WDR6: variants seen among roughly 807,000 people sequenced by gnomAD.
The protein encoded by WDR6 is tRNA (34-2'-O)-methyltransferase regulator WDR6.
WDR6 carries 58 observed loss-of-function variants against 85.6 expected under a neutral mutation model. That is an observed-to-expected ratio of 0.68 (90% CI 0.55 to 0.84). The LOEUF (loss-of-function observed/expected upper bound fraction) is 0.84, where lower values mean the gene tolerates loss of function less well. WDR6 is among the 40% of genes least tolerant of loss of function. The probability of loss-of-function intolerance (pLI) is 0.00; values close to 1 mark genes in which losing one functional copy is unlikely to be tolerated. For synonymous variants in WDR6, 569 were observed against 582.2 expected (o/e 0.98, Z 0.33); for missense variants, 1,310 against 1,476.4 (o/e 0.89, Z 1.85).
chr3:49,007,529 C>A lies in WDR6; in HGVS notation c.98C>A (p.Ala33Glu). Residue 33 changes from alanine (A) to glutamate (E), a missense_variant and splice_region_variant, in exon 1 of 6, where the codon GCG becomes GAG. Ala to Glu is a moderately radical substitution (Grantham distance 107, BLOSUM62 -1). Transcript: ENST00000608424. This position sits in a 1 kb window ranked among gnomAD's most constrained non-coding sequence, Gnocchi z 5.1. ...GLECVGDRLL[A>E]GEGPDVLVYS... ...GAGTGCGTGGGGGACCGGCTGTTGG[C>A]GGGTGAGGCTTGGCTTGAGGCACGC... The A allele has an allele frequency of 6.3e-7, 1 of 1,592,798 alleles. No homozygotes were observed. Among genetic ancestry groups the A allele is most frequent in the Admixed American group, 1.7e-5 (1 of 59,174 alleles).
At position 49,007,617 on chromosome 3, in the gene WDR6, G is replaced by A; in HGVS notation, c.100+86G>A. ...GCGGTGCCACAGGGACAAAAGGGGT[G>A]CCCTGAGGAGAAGGACGGGCAGCAG... On this transcript the variant is annotated intron_variant, in intron 1 of 5. Transcript: ENST00000608424. The surrounding 1 kb of genome is among the most constrained non-coding windows in gnomAD (Gnocchi z 5.1). 1 of 1,446,286 alleles carries A rather than the reference G, an allele frequency of 6.9e-7. No homozygotes were observed. Among genetic ancestry groups the A allele is most frequent in the Non-Finnish European group, 9.1e-7 (1 of 1,093,286 alleles). 89.6% of individuals were successfully genotyped at this position (1,446,286 alleles called of 1,614,324 possible).
At chr3:49,011,101 CT>C (rs142346765) in intron 1 of WDR6, 42,589 of 327,948 alleles carry the variant, frequency 0.13, 49 homozygotes, top group South Asian at 0.18. Context: ...TTTCTTTTTT[CT>C]TTTTTTTTTT....
chr3:49,012,942 G>A lies in WDR6; in HGVS notation c.1408G>A (p.Ala470Thr), dbSNP rs752222354. 10 of 1,613,718 alleles carry A rather than the reference G, an allele frequency of 6.2e-6. No individual in the cohort carries two copies. The highest frequency in any genetic ancestry group is 2.2e-5 in the East Asian group (1 of 44,872). ...GVVACLEISA[A>T]PSGKAIFVKE... Reference sequence around the variant, plus strand: ...AGTAGCTTGCCTAGAGATCTCAGCCGCACCCTCTGGCAAGGCCATCTTTGT... The same window carrying A: ...AGTAGCTTGCCTAGAGATCTCAGCCACACCCTCTGGCAAGGCCATCTTTGT... Residue 470 changes from alanine to threonine, a missense_variant, in exon 2 of 6, where the codon GCA becomes ACA. By Grantham distance (58) the Ala-to-Thr change is moderately conservative (BLOSUM62 0). Coordinates refer to ENST00000608424, the MANE Select transcript of WDR6 (RefSeq NM_018031.6). This position sits in a 1 kb window ranked among gnomAD's most constrained non-coding sequence, Gnocchi z 4.4.
chr3:49,009,134 A>C (rs1191621408), intron 1 of WDR6: 1 of 152,040 alleles, frequency 6.6e-6, no homozygotes, highest in Non-Finnish European at 1.5e-5. Context: ...CGCCTGCCTC[A>C]GCCCCCCAAA....
chr3:49,015,765 C>A lies in WDR6; in HGVS notation c.*477C>A. 1.9e-6 allele frequency: 3 copies of A among 1,614,114 alleles called. No individual in the cohort carries two copies. The highest frequency in any genetic ancestry group is 1.7e-6 in the Non-Finnish European group (2 of 1,180,014). On this transcript the variant is annotated 3_prime_UTR_variant, in exon 6 of 6. Coordinates refer to ENST00000608424, the MANE Select transcript of WDR6 (RefSeq NM_018031.6). ...CTGCTTCCTTTGCCTTTACCCTATACCTCTCTGCACGTCCCACCCCATTTT... is the reference window on the plus strand; with the variant it reads ...CTGCTTCCTTTGCCTTTACCCTATAACTCTCTGCACGTCCCACCCCATTTT...
Position 49,015,036 on chromosome 3 carries a change from C to T in WDR6, c.3114C>T (p.Tyr1038=). The T allele has an allele frequency of 6.2e-7, 1 of 1,614,180 alleles. No homozygotes were observed. Among genetic ancestry groups the T allele is most frequent in the Non-Finnish European group, 8.5e-7 (1 of 1,180,046 alleles). Residue 1038 remains tyrosine (Y), a synonymous_variant, in exon 6 of 6, where the codon TAC becomes TAT. Coordinates refer to ENST00000608424, the MANE Select transcript of WDR6 (RefSeq NM_018031.6). ...LVPQLRVLEE[Y]SVPCAHAAHV... The stretch of plus-strand genomic sequence containing the variant: ...CCCAGCTGCGTGTGCTAGAGGAATA[C>T]TCTGTCCCCTGTGCACATGCTGCCC...
intron 1 of WDR6, among the ~76,000 whole-genome samples, chr3:49,010,365 C>T (rs1378494584): frequency 1.3e-5 from 2 of 150,266 alleles, no homozygotes; most frequent in African/African-American, 2.5e-5. Context: ...AAGATCGCGC[C>T]ACAGCACTCC....
intron 1 of WDR6, among the ~76,000 whole-genome samples, chr3:49,009,669 C>T (rs961408078): frequency 7.9e-5 from 12 of 151,968 alleles, no homozygotes; most frequent in African/African-American, 2.9e-4. Context: ...CTGGATTAGA[C>T]TTTCTCATTT....
chr3:49,015,355 G>GCTGT lies in WDR6; in HGVS notation c.*72_*75dup. The GCTGT allele has an allele frequency of 6.5e-7, 1 of 1,543,418 alleles. No homozygotes were observed. Among genetic ancestry groups the GCTGT allele is most frequent in the Non-Finnish European group, 8.8e-7 (1 of 1,138,484 alleles). ...CACAGACAGCATGGAGCAGGGATGG[G>GCTGT]CTGTCTGTGCCCATGCTCAGCATGC... On this transcript the variant is annotated 3_prime_UTR_variant, in exon 6 of 6. Coordinates refer to ENST00000608424, the MANE Select transcript of WDR6 (RefSeq NM_018031.6).
In WDR6 at chr3:49,015,902, T is replaced by C. The variant is rs758346722; in HGVS notation, c.*614T>C. On this transcript the variant is annotated 3_prime_UTR_variant, in exon 6 of 6. Transcript: ENST00000608424. ...AGACAGAGACTGAGTCACTGGCCCA[T>C]CTCTTTGCTCTTGTGCCCCAGGCCA... 16 of 1,614,068 alleles carry C rather than the reference T, an allele frequency of 9.9e-6. No individual in the cohort carries two copies. Among genetic ancestry groups the C allele is most frequent in the Non-Finnish European group, 1.4e-5 (16 of 1,180,048 alleles).
At position 49,014,374 on chromosome 3, in the gene WDR6, G is replaced by A. The variant is rs1472552276; in HGVS notation, c.2667-9G>A. 1.1e-5 allele frequency: 18 copies of A among 1,613,840 alleles called. No individual in the cohort carries two copies. Among genetic ancestry groups the A allele is most frequent in the Admixed American group, 3.3e-5 (2 of 59,998 alleles). On this transcript the variant is annotated splice_polypyrimidine_tract_variant and intron_variant, in intron 3 of 5. Coordinates refer to ENST00000608424, the MANE Select transcript of WDR6 (RefSeq NM_018031.6). This position sits in a 1 kb window ranked among gnomAD's most constrained non-coding sequence, Gnocchi z 4.9. ...TGCGTTCTGAGCTGGGCCACCCCCCGCCCCCCAGGCTCTTTCTTTTGCAGG... is the reference window on the plus strand; with the variant it reads ...TGCGTTCTGAGCTGGGCCACCCCCCACCCCCCAGGCTCTTTCTTTTGCAGG...
rs1421370686 is a variant in WDR6, at chr3:49,014,189, A to G, written c.2583-21A>G. ...CCCAGGCTTGCAGGCTCCACCTGACAGCTGCATGTTGTCTCTGCAGGTACA... is the reference window on the plus strand; with the variant it reads ...CCCAGGCTTGCAGGCTCCACCTGACGGCTGCATGTTGTCTCTGCAGGTACA... On this transcript the variant is annotated intron_variant, in intron 2 of 5. Transcript: ENST00000608424. The surrounding 1 kb of genome is among the most constrained non-coding windows in gnomAD (Gnocchi z 4.9). 1.2e-6 allele frequency: 2 copies of G among 1,614,046 alleles called. No homozygotes were observed. The highest frequency in any genetic ancestry group is 1.7e-6 in the Non-Finnish European group (2 of 1,180,026).
Position 49,012,080 on chromosome 3 carries a change from C to T in WDR6, c.546C>T (p.Asn182=). ...ELTIVAGAVS[N]QLLVWYPATA... is the part of the protein sequence containing the mutation. ...CCATAGTGGCAGGTGCTGTTTCCAA[C>T]CAGCTCTTGGTCTGGTACCCAGCAA... Residue 182 remains asparagine, a synonymous_variant, in exon 2 of 6, where the codon AAC becomes AAT. Coordinates refer to ENST00000608424, the MANE Select transcript of WDR6 (RefSeq NM_018031.6). This position sits in a 1 kb window ranked among gnomAD's most constrained non-coding sequence, Gnocchi z 4.4. 6.2e-7 allele frequency: 1 copy of T among 1,613,754 alleles called. No homozygotes were observed. Among genetic ancestry groups the T allele is most frequent in the Non-Finnish European group, 8.5e-7 (1 of 1,180,018 alleles).
chr3:49,012,656 T>A lies in WDR6; in HGVS notation c.1122T>A (p.Tyr374Ter). The change falls in exon 2 of 6, where the codon TAT becomes TAA. Residue 374 changes from tyrosine to a stop codon, truncating the protein, a stop_gained. Coordinates refer to ENST00000608424, the MANE Select transcript of WDR6 (RefSeq NM_018031.6). LOFTEE classifies it high-confidence loss of function. This position sits in a 1 kb window ranked among gnomAD's most constrained non-coding sequence, Gnocchi z 4.4. The stretch of plus-strand genomic sequence containing the variant: ...CTGATACAGGGGCCCTGTATCTCTA[T>A]GACGTCGAGGTCAAGTGCTGGGAGC... ...AVTDTGALYL[Y>*]DVEVKCWEQL... The A allele has an allele frequency of 2.5e-6, 4 of 1,614,030 alleles. No individual in the cohort carries two copies. Among genetic ancestry groups the A allele is most frequent in the Non-Finnish European group, 3.4e-6 (4 of 1,179,984 alleles).
chr3:49,014,921 G>C lies in WDR6; in HGVS notation c.2999G>C (p.Ser1000Thr). The C allele has an allele frequency of 1.2e-6, 2 of 1,614,178 alleles. No homozygotes were observed. The highest frequency in any genetic ancestry group is 1.1e-5 in the South Asian group (1 of 91,084). The change falls in exon 6 of 6, where the codon AGT becomes ACT. Residue 1000 changes from serine to threonine, a missense_variant. Transcript: ENST00000608424. This position sits in a 1 kb window ranked among gnomAD's most constrained non-coding sequence, Gnocchi z 4.9. ...PTREGHHLVA[S>T]GSEDGSLHVF... is the part of the protein sequence containing the mutation. ...CGTGAGGGCCACCATCTCGTGGCCA[G>C]TGGCAGTGAAGATGGATCCCTCCAT...
chr3:49,012,308 C>T lies in WDR6; in HGVS notation c.774C>T (p.Ser258=), dbSNP rs748918205. ...VQNIGHCFGH[S]ARVWQVKLLE... is the part of the protein sequence containing the mutation. ...ATATTGGGCACTGCTTTGGGCACAGCGCCCGTGTGTGGCAGGTCAAGCTTC... is the reference window on the plus strand; with the variant it reads ...ATATTGGGCACTGCTTTGGGCACAGTGCCCGTGTGTGGCAGGTCAAGCTTC... The change falls in exon 2 of 6, where the codon AGC becomes AGT. Residue 258 remains serine (S), a synonymous_variant. Coordinates refer to ENST00000608424, the MANE Select transcript of WDR6 (RefSeq NM_018031.6). This position sits in a 1 kb window ranked among gnomAD's most constrained non-coding sequence, Gnocchi z 4.4. The T allele has an allele frequency of 2.2e-5, 35 of 1,614,108 alleles. No homozygotes were observed. Among genetic ancestry groups the T allele is most frequent in the African/African-American group, 2.7e-5 (2 of 74,940 alleles).
rs2106702950 is a variant in WDR6 at position 49,014,200 on chromosome 3, GTC to G, written c.2583-6_2583-5del. Reference sequence around the variant, plus strand: ...AGGCTCCACCTGACAGCTGCATGTTGTCTCTGCAGGTACATGTCCCTTGCTGT... The same window carrying G: ...AGGCTCCACCTGACAGCTGCATGTTGTCTGCAGGTACATGTCCCTTGCTGT... On this transcript the variant is annotated splice_region_variant and splice_polypyrimidine_tract_variant and intron_variant, in intron 2 of 5. Transcript: ENST00000608424. The surrounding 1 kb of genome is among the most constrained non-coding windows in gnomAD (Gnocchi z 4.9). 6.2e-7 allele frequency: 1 copy of G among 1,614,172 alleles called. No individual in the cohort carries two copies. The highest frequency in any genetic ancestry group is 2.2e-5 in the East Asian group (1 of 44,880).
At position 49,014,000 on chromosome 3, in the gene WDR6, C is replaced by T. The variant is rs763986162; in HGVS notation, c.2466C>T (p.Pro822=). 6.2e-7 allele frequency: 1 copy of T among 1,611,824 alleles called. No individual in the cohort carries two copies. The highest frequency in any genetic ancestry group is 1.1e-5 in the South Asian group (1 of 91,086). The change falls in exon 2 of 6, where the codon CCC becomes CCT. Residue 822 remains proline, a synonymous_variant. Transcript: ENST00000608424. This position sits in a 1 kb window ranked among gnomAD's most constrained non-coding sequence, Gnocchi z 4.6. ...TCAGCATCATGGTTACTCCGGACCC[C>T]AGCACCCCAAGCCGCCTCGCCTGCC... The part of the protein sequence containing the change: ...HCFSIMVTPD[P]STPSRLACHV...
chr3:49,011,101 CTT>C (rs142346765), intron 1 of WDR6: 460 of 399,390 alleles, frequency 1.2e-3, no homozygotes, highest in Admixed American at 2.4e-3. Context: ...TTTCTTTTTT[CTT>C]TTTTTTTTTT....
Sources: allele counts gnomAD v4.1 joint callset (sites outside exome capture counted in the v4.1 genomes callset), GRCh38; gene constraint gnomAD v4.1.1; non-coding constraint Gnocchi (gnomAD v3.1); transcripts MANE v1.5; gene names NCBI Gene and HGNC (gene_info 2026-07-23, HGNC 2026-07-21).